The following GRID2 variants were observed in gnomAD, a reference collection of about 807,000 sequenced individuals.
GRID2 encodes the protein glutamate ionotropic receptor delta type subunit 2, also known as glutamate receptor ionotropic, delta-2.
Under a neutral mutation model 114.8 loss-of-function variants are expected in GRID2, and 33 were observed. The observed-to-expected ratio is 0.29, with a 90% CI of 0.22 to 0.38. The LOEUF (loss-of-function observed/expected upper bound fraction) is 0.38. GRID2 is among the 10% of genes least tolerant of loss of function. GRID2 has a pLI of 1.00. For missense variants in GRID2, 1,184 were observed against 1,257.7 expected (o/e 0.94, Z 0.89); for synonymous variants, 505 against 449.9 (o/e 1.12, Z -1.55).
chr4:92,896,773 C>T (rs1414477208), intron 2 of GRID2, among the ~76,000 whole-genome samples: 3 of 152,114 alleles, frequency 2.0e-5, no homozygotes, highest in East Asian at 3.9e-4. Flanking sequence ...GACGGAGTCT[C>T]GCTCTGTCGC....
chr4:93,742,198 AT>A (rs1731482147), intron 14 of GRID2, among the ~76,000 whole-genome samples: 2 of 152,174 alleles, frequency 1.3e-5, no homozygotes, highest in Admixed American at 1.3e-4. Context: ...TTCTTCATTC[AT>A]TTAGCCTATG....
chr4:93,081,683 C>T (rs1729881940), intron 2 of GRID2, among the ~76,000 whole-genome samples: 1 of 151,962 alleles, frequency 6.6e-6, no homozygotes, highest in Non-Finnish European at 1.5e-5. Flanking sequence ...AATCACAAGG[C>T]TTGAAATAAT....
At chr4:93,574,128 T>A (rs13148936) in intron 13 of GRID2, among the ~76,000 whole-genome samples, 23,754 of 152,114 alleles carry the variant, frequency 0.16, 2,477 homozygotes, top group Middle Eastern at 0.28. Flanking sequence ...GTGACTTAAA[T>A]TCACAGTCCC....
At chr4:93,472,435 A>C (rs1028951909) in intron 11 of GRID2, among the ~76,000 whole-genome samples, 1 of 152,194 alleles carries the variant, frequency 6.6e-6, no homozygotes, top group African/African-American at 2.4e-5. Context: ...AATATGAAAT[A>C]CTACTGAATA....
intron 8 of GRID2, among the ~76,000 whole-genome samples, chr4:93,294,374 G>T (rs1198302370): frequency 6.6e-6 from 1 of 152,104 alleles, no homozygotes; most frequent in African/African-American, 2.4e-5. Flanking sequence ...GAAGAATGTT[G>T]TAATTTTATT....
chr4:93,005,707 G>T (rs1230844768), intron 2 of GRID2, among the ~76,000 whole-genome samples: 1 of 152,050 alleles, frequency 6.6e-6, no homozygotes, highest in Non-Finnish European at 1.5e-5. Flanking sequence ...CAATGGAATA[G>T]TATTTGACCA....
chr4:92,654,537 A>G (rs1732131202), intron 2 of GRID2, among the ~76,000 whole-genome samples: 2 of 152,022 alleles, frequency 1.3e-5, no homozygotes, highest in African/African-American at 4.8e-5. Flanking sequence ...TGAGTCAATA[A>G]GAGTTTCCTT....
chr4:93,351,344 G>GA (rs1317878551), intron 8 of GRID2, among the ~76,000 whole-genome samples: 2 of 152,034 alleles, frequency 1.3e-5, no homozygotes, highest in Admixed American at 6.6e-5. Context: ...ACAGTTGTTA[G>GA]AAAATCCCAG....
intron 2 of GRID2, among the ~76,000 whole-genome samples, chr4:92,637,273 A>G (rs1272033325): frequency 6.6e-6 from 1 of 152,012 alleles, no homozygotes; most frequent in African/African-American, 2.4e-5. Flanking sequence ...TTTTCATCTA[A>G]GAAGCATGCT....
At chr4:93,179,616 G>T (rs966567908) in intron 4 of GRID2, among the ~76,000 whole-genome samples, 43 of 152,162 alleles carry the variant, frequency 2.8e-4, no homozygotes, top group African/African-American at 9.7e-4. Context: ...GCCAGGCATT[G>T]TGCTAAGTAC....
At chr4:93,025,977 ACT>A (rs1371601114) in intron 2 of GRID2, among the ~76,000 whole-genome samples, 6 of 151,570 alleles carry the variant, frequency 4.0e-5, no homozygotes, top group Admixed American at 2.0e-4. Flanking sequence ...GTGTTTGAAA[ACT>A]CTGTATTATA....
chr4:93,487,296 CT>C (rs138044601), intron 11 of GRID2, among the ~76,000 whole-genome samples: 86 of 151,720 alleles, frequency 5.7e-4, no homozygotes, highest in African/African-American at 1.9e-3. Flanking sequence ...AATTTTTGCT[CT>C]TAATTATTTT....
intron 1 of GRID2, among the ~76,000 whole-genome samples, chr4:92,496,244 ACTCTCCTT>A (rs1723383557): frequency 6.6e-6 from 1 of 151,586 alleles, no homozygotes; most frequent in East Asian, 1.9e-4. Flanking sequence ...ATATGTACAC[ACTCTCCTT>A]TACCTTGTAT....
chr4:93,082,330 C>A lies in GRID2; in HGVS notation c.245-2665C>A, dbSNP rs145458672. Among the ~76,000 whole-genome samples, 227 of 152,292 alleles carry A rather than the reference C, an allele frequency of 1.5e-3. 2 individuals are homozygous for A. Among genetic ancestry groups the A allele is most frequent in the African/African-American group, 5.1e-3 (214 of 41,568 alleles). ...AAATTTTAAGGATACAACTACAAGA[C>A]TCCATTGTTTGCTTGTTGTGGTGAA... is the stretch of plus-strand genomic sequence containing the variant. On this transcript the variant is annotated intron_variant, in intron 2 of 15. Transcript: ENST00000282020.
chr4:93,545,943 A>C (rs1293232199), intron 13 of GRID2, among the ~76,000 whole-genome samples: 2 of 152,102 alleles, frequency 1.3e-5, no homozygotes, highest in Non-Finnish European at 2.9e-5. Context: ...AATATAAAAT[A>C]ATAGTGTTTT....
intron 3 of GRID2, among the ~76,000 whole-genome samples, chr4:93,103,821 A>T: frequency 6.7e-6 from 1 of 149,260 alleles, no homozygotes; most frequent in East Asian, 2.0e-4. Context: ...AAGAAGCATC[A>T]AGTGAGAGAA....
intron 4 of GRID2, among the ~76,000 whole-genome samples, chr4:93,118,745 G>T (rs1323388927): frequency 6.6e-6 from 1 of 152,156 alleles, no homozygotes; most frequent in African/African-American, 2.4e-5. Context: ...GATGGATTGA[G>T]AAATTAGGAA....
chr4:92,751,018 A>G (rs999696632), intron 2 of GRID2, among the ~76,000 whole-genome samples: 31 of 152,162 alleles, frequency 2.0e-4, no homozygotes, highest in African/African-American at 7.0e-4. Flanking sequence ...AAAAATTGGA[A>G]TGGTATTTGT....
intron 13 of GRID2, among the ~76,000 whole-genome samples, chr4:93,586,853 T>C (rs747245140): frequency 1.3e-5 from 2 of 152,186 alleles, no homozygotes; most frequent in Non-Finnish European, 1.5e-5. Context: ...AATACCAAAG[T>C]ATTACCTTCT....
Sources: gnomAD v4.1 joint callset for allele counts (sites outside exome capture counted in the v4.1 genomes callset) on GRCh38, gnomAD v4.1.1 for gene constraint, MANE v1.5 for transcripts, NCBI Gene and HGNC (gene_info 2026-07-23, HGNC 2026-07-21) for gene names.